The following RBFOX1 variants were observed in gnomAD, a reference collection of about 807,000 sequenced individuals.
RBFOX1 encodes the protein RNA binding fox-1 homolog 1.
A neutral mutation model predicts 57.7 loss-of-function variants in RBFOX1; 8 were observed. The ratio of observed to expected loss-of-function variants is 0.14; its 90% CI spans 0.08 to 0.25. RBFOX1 has a LOEUF of 0.25. Ranked by LOEUF, RBFOX1 falls within the 10% of genes least tolerant of loss-of-function variation. RBFOX1 has a pLI of 1.00. For missense variants in RBFOX1, 611 were observed against 548.5 expected (o/e 1.11, Z -1.14); for synonymous variants, 326 against 222.4 (o/e 1.47, Z -4.15).
intron 1 of RBFOX1, among the ~76,000 whole-genome samples, chr16:5,452,580 C>G: frequency 6.6e-6 from 1 of 152,110 alleles, no homozygotes; most frequent in East Asian, 1.9e-4. Flanking sequence ...TTCACCTGCC[C>G]TGCCTTACCT....
intron 4 of RBFOX1, among the ~76,000 whole-genome samples, chr16:5,942,001 G>T (rs1335288466): frequency 6.6e-6 from 1 of 151,582 alleles, no homozygotes; most frequent in African/African-American, 2.4e-5. Context: ...AACCTGAGTG[G>T]AGGAATAACA....
At chr16:6,322,015 G>A (rs1275336142) in intron 2 of RBFOX1, among the ~76,000 whole-genome samples, 1 of 152,142 alleles carries the variant, frequency 6.6e-6, no homozygotes, top group Non-Finnish European at 1.5e-5. Context: ...TGACCCATGG[G>A]CACCACTCTC....
chr16:7,400,940 C>G (rs1486410463), intron 4 of RBFOX1, among the ~76,000 whole-genome samples: 1 of 152,146 alleles, frequency 6.6e-6, no homozygotes, highest in African/African-American at 2.4e-5. Context: ...CACATACCAC[C>G]ACGGTATTTT....
At chr16:7,430,624 C>T (rs1191482674) in intron 4 of RBFOX1, among the ~76,000 whole-genome samples, 1 of 148,282 alleles carries the variant, frequency 6.7e-6, no homozygotes, top group Non-Finnish European at 1.5e-5. Flanking sequence ...TATGCCACTG[C>T]ACACCAGCCT....
intron 2 of RBFOX1, 114 bp from the exon 3 acceptor site, chr16:6,654,489 C>G (rs781611101): frequency 2.5e-6 from 2 of 791,586 alleles, no homozygotes; most frequent in South Asian, 1.8e-5. Flanking sequence ...CTATTAGGAG[C>G]ATGAGCTCTT....
At chr16:6,061,453 CATCAT>C (rs2095685367) in intron 1 of RBFOX1, among the ~76,000 whole-genome samples, 1 of 151,604 alleles carries the variant, frequency 6.6e-6, no homozygotes, top group African/African-American at 2.4e-5. Context: ...TATGTATAGT[CATCAT>C]ATATGTATAC....
chr16:7,540,923 CTG>C (rs1377217370), intron 5 of RBFOX1, among the ~76,000 whole-genome samples: 1 of 152,200 alleles, frequency 6.6e-6, no homozygotes, highest in Non-Finnish European at 1.5e-5. Flanking sequence ...CCACTAAAAC[CTG>C]TGTCTTCTAG....
rs1555514800 is a variant in RBFOX1, at chr16:5,424,919, C to CTTTCTTTCTTTCTTTCTTTCTT, written c.220-42280_220-42279insTTCTTTTTCTTTCTTTCTTTCT. On this transcript the variant is annotated intron_variant, in intron 1 of 2. Transcript: ENST00000585867. The stretch of plus-strand genomic sequence containing the variant: ...TCTTTCTTTCTTTCTTTCTTTCTTT[C>CTTTCTTTCTTTCTTTCTTTCTT]TTTCTTTCTTTCTTTCTCTCTCTTC... Among the ~76,000 whole-genome samples, 62 of 96,750 alleles carry CTTTCTTTCTTTCTTTCTTTCTT rather than the reference C, an allele frequency of 6.4e-4. 1 individual carries two copies. Among genetic ancestry groups the CTTTCTTTCTTTCTTTCTTTCTT allele is most frequent in the African/African-American group, 2.8e-3 (59 of 21,322 alleles). 63.5% of individuals were successfully genotyped at this position (96,750 alleles called of 152,430 possible). A position where few individuals can be genotyped will look rare whatever the true frequency, so the allele number is the denominator to read the frequency against.
At chr16:5,740,776 A>T (rs1046292009) in intron 3 of RBFOX1, among the ~76,000 whole-genome samples, 1 of 152,164 alleles carries the variant, frequency 6.6e-6, no homozygotes, top group African/African-American at 2.4e-5. Flanking sequence ...GGTGAAGTCC[A>T]GCAGAAAAGA....
At chr16:5,406,034 C>T (rs568549025) in intron 1 of RBFOX1, among the ~76,000 whole-genome samples, 2 of 152,258 alleles carry the variant, frequency 1.3e-5, no homozygotes, top group Admixed American at 1.3e-4. Flanking sequence ...TAGTTGAAGC[C>T]ACTTTTATCT....
At chr16:7,253,147 TG>T (rs1005854062) in intron 4 of RBFOX1, among the ~76,000 whole-genome samples, 1 of 152,234 alleles carries the variant, frequency 6.6e-6, no homozygotes, top group African/African-American at 2.4e-5. Context: ...ATGGCTCCGC[TG>T]GATAAAATCT....
intron 3 of RBFOX1, among the ~76,000 whole-genome samples, chr16:6,717,533 A>G (rs1448048886): frequency 1.3e-5 from 2 of 152,106 alleles, no homozygotes; most frequent in Non-Finnish European, 2.9e-5. Context: ...AAAATTGTGC[A>G]TAGTCAACCT....
chr16:6,700,532 C>T (rs1277202691), intron 3 of RBFOX1, among the ~76,000 whole-genome samples: 5 of 152,138 alleles, frequency 3.3e-5, no homozygotes, highest in South Asian at 2.1e-4. Flanking sequence ...GTGGTGGGTG[C>T]CTGTAATCTC....
intron 1 of RBFOX1, among the ~76,000 whole-genome samples, chr16:6,211,819 C>CTTTT (rs200639586): frequency 0.026 from 3,679 of 142,302 alleles, 151 homozygotes; most frequent in African/African-American, 0.089. Context: ...AGGAATACAT[C>CTTTT]TTTTATTTAT....
At chr16:6,277,454 C>T (rs1174376008) in intron 1 of RBFOX1, among the ~76,000 whole-genome samples, 2 of 30,688 alleles carry the variant, frequency 6.5e-5, no homozygotes, top group African/African-American at 1.4e-4. Context: ...AAGAGTCTGT[C>T]TCCCAAAAAA....
chr16:6,618,003 T>C (rs1019313638), intron 2 of RBFOX1, among the ~76,000 whole-genome samples: 41 of 152,274 alleles, frequency 2.7e-4, no homozygotes, highest in Admixed American at 2.6e-3. Context: ...TCTTTTCCTA[T>C]CCACCTGGCA....
intron 3 of RBFOX1, among the ~76,000 whole-genome samples, chr16:6,942,642 T>G (rs1468729482): frequency 1.3e-5 from 2 of 152,066 alleles, no homozygotes; most frequent in Non-Finnish European, 2.9e-5. Context: ...TAGGCAGAGT[T>G]GAGTGGACAG....
intron 3 of RBFOX1, among the ~76,000 whole-genome samples, chr16:6,966,074 G>C (rs1050096514): frequency 6.6e-6 from 1 of 152,146 alleles, no homozygotes; most frequent in Non-Finnish European, 1.5e-5. Flanking sequence ...TGAAGGTAGT[G>C]ATTTTTACTC....
intron 4 of RBFOX1, among the ~76,000 whole-genome samples, chr16:7,259,239 T>C (rs2094820430): frequency 6.6e-6 from 1 of 152,128 alleles, no homozygotes; most frequent in South Asian, 2.1e-4. Flanking sequence ...ACAATTAAAC[T>C]GAAGGAAGGA....
Sources: allele counts gnomAD v4.1 joint callset (sites outside exome capture counted in the v4.1 genomes callset), GRCh38; gene constraint gnomAD v4.1.1; transcripts MANE v1.5; gene names NCBI Gene and HGNC (gene_info 2026-07-23, HGNC 2026-07-21).